CPQ: variants seen among roughly 807,000 people sequenced by gnomAD.
CPQ encodes the protein carboxypeptidase Q, also known as Ser-Met dipeptidase.
In CPQ, 37 loss-of-function variants were observed where a neutral mutation model predicts 45.7. That is an observed-to-expected ratio of 0.81 (90% CI 0.62 to 1.07). CPQ has a LOEUF of 1.07. Among genes scored for constraint, CPQ ranks in the 50% least tolerant of loss-of-function variants. CPQ has a pLI of 0.00. For synonymous variants in CPQ, 186 were observed against 205.8 expected (o/e 0.90, Z 0.82); for missense variants, 537 against 572.9 (o/e 0.94, Z 0.64).
chr8:96,893,631 G>A (rs1168265959), intron 4 of CPQ, among the ~76,000 whole-genome samples: 4 of 152,082 alleles, frequency 2.6e-5, no homozygotes, highest in African/African-American at 7.2e-5. Context: ...CAAAATAATT[G>A]GACTAAGGTC....
intron 7 of CPQ, among the ~76,000 whole-genome samples, chr8:97,119,224 G>A (rs1811651262): frequency 6.6e-6 from 1 of 151,782 alleles, no homozygotes; most frequent in South Asian, 2.1e-4. Flanking sequence ...AGCTACTCTG[G>A]AGGCTGAGGC....
intron 3 of CPQ, among the ~76,000 whole-genome samples, chr8:96,865,452 A>G (rs911825840): frequency 6.6e-6 from 1 of 152,028 alleles, no homozygotes; most frequent in Non-Finnish European, 1.5e-5. Context: ...GTACCCAGGT[A>G]TCTCATGCCT....
chr8:97,122,987 TA>T (rs1811753725), intron 7 of CPQ, among the ~76,000 whole-genome samples: 1 of 40,338 alleles, frequency 2.5e-5, no homozygotes, highest in Non-Finnish European at 4.1e-5. Context: ...AAAATTAAAA[TA>T]AAATAAAATA....
intron 2 of CPQ, among the ~76,000 whole-genome samples, chr8:96,813,234 C>T (rs1811182425): frequency 6.6e-6 from 1 of 152,068 alleles, no homozygotes; most frequent in Non-Finnish European, 1.5e-5. Flanking sequence ...AAGAGATATT[C>T]TAGGCACTTC....
intron 4 of CPQ, among the ~76,000 whole-genome samples, chr8:96,880,339 A>G (rs1812204127): frequency 6.6e-6 from 1 of 151,794 alleles, no homozygotes; most frequent in Non-Finnish European, 1.5e-5. Context: ...CTGAAAACAG[A>G]ATTAGCGTTT....
chr8:97,096,902 A>G (rs1439671509), intron 7 of CPQ, among the ~76,000 whole-genome samples: 1 of 152,220 alleles, frequency 6.6e-6, no homozygotes, highest in Non-Finnish European at 1.5e-5. Flanking sequence ...CTATTTCCAT[A>G]TTAGTGGGTG....
chr8:96,673,047 T>C (rs1370924678), intron 1 of CPQ, among the ~76,000 whole-genome samples: 1 of 152,074 alleles, frequency 6.6e-6, no homozygotes, highest in African/African-American at 2.4e-5. Flanking sequence ...GGTGGGAATA[T>C]TGCCCTTCAG....
intron 7 of CPQ, among the ~76,000 whole-genome samples, chr8:97,141,080 T>G (rs919210447): frequency 2.0e-5 from 3 of 152,096 alleles, no homozygotes; most frequent in Admixed American, 6.5e-5. Flanking sequence ...AAATAAAATA[T>G]TTTTAAAATT....
intron 1 of CPQ, among the ~76,000 whole-genome samples, chr8:96,758,261 TA>T (rs905625402): frequency 2.0e-5 from 3 of 152,200 alleles, no homozygotes; most frequent in African/African-American, 7.2e-5. Flanking sequence ...AAAGTTCCCA[TA>T]AGACTGATTG....
chr8:97,006,972 C>T (rs1346695659), intron 5 of CPQ, among the ~76,000 whole-genome samples: 1 of 152,112 alleles, frequency 6.6e-6, no homozygotes, highest in Non-Finnish European at 1.5e-5. Context: ...AAAAAATAGG[C>T]ACTGCAAAAT....
chr8:97,024,031 C>A (rs1259260024), intron 5 of CPQ, among the ~76,000 whole-genome samples: 2 of 152,236 alleles, frequency 1.3e-5, no homozygotes, highest in East Asian at 3.8e-4. Context: ...ATCATAACCA[C>A]TGTGCCAGGC....
intron 1 of CPQ, among the ~76,000 whole-genome samples, chr8:96,697,177 A>T (rs1248696722): frequency 6.6e-6 from 1 of 152,228 alleles, no homozygotes; most frequent in Non-Finnish European, 1.5e-5. Context: ...ATTCATCATG[A>T]CCAAGGGGAA....
chr8:97,020,744 CA>C (rs948572629), intron 5 of CPQ, among the ~76,000 whole-genome samples: 1 of 151,782 alleles, frequency 6.6e-6, no homozygotes, highest in Non-Finnish European at 1.5e-5. Flanking sequence ...AAATTACCAA[CA>C]AAAAAAGCCC....
intron 1 of CPQ, among the ~76,000 whole-genome samples, chr8:96,714,010 T>G (rs907724333): frequency 1.3e-5 from 2 of 152,216 alleles, no homozygotes; most frequent in African/African-American, 4.8e-5. Flanking sequence ...AGTCTCCTAT[T>G]AGTCTGATAG....
chr8:96,670,909 C>T (rs1248137586), intron 1 of CPQ, among the ~76,000 whole-genome samples: 1 of 151,884 alleles, frequency 6.6e-6, no homozygotes, highest in East Asian at 1.9e-4. Context: ...GTGGGTGTAG[C>T]TGTAAAAGAG....
At chr8:96,659,747 C>T (rs1470613091) in intron 1 of CPQ, among the ~76,000 whole-genome samples, 3 of 152,124 alleles carry the variant, frequency 2.0e-5, no homozygotes, top group African/African-American at 7.2e-5. Context: ...GGCTCATAGT[C>T]GGGGAGATTG....
At chr8:97,040,978 G>C (rs1433869420) in intron 6 of CPQ, among the ~76,000 whole-genome samples, 1 of 151,708 alleles carries the variant, frequency 6.6e-6, no homozygotes, top group East Asian at 1.9e-4. Context: ...CTCTTTTTTG[G>C]TTCCATATGA....
At chr8:97,140,004 G>A (rs1258405399) in intron 7 of CPQ, among the ~76,000 whole-genome samples, 3 of 138,746 alleles carry the variant, frequency 2.2e-5, no homozygotes, top group Admixed American at 7.1e-5. Flanking sequence ...CAAACTGCAA[G>A]CAAGATTTAA....
chr8:96,873,132 G>A (rs1444719975), intron 3 of CPQ, among the ~76,000 whole-genome samples: 11 of 151,788 alleles, frequency 7.2e-5, no homozygotes. Flanking sequence ...GAGATTTGCG[G>A]ATGAACATAA....
Sources: gnomAD v4.1 joint callset for allele counts (sites outside exome capture counted in the v4.1 genomes callset) on GRCh38, gnomAD v4.1.1 for gene constraint, MANE v1.5 for transcripts, NCBI Gene and HGNC (gene_info 2026-07-23, HGNC 2026-07-21) for gene names.